Variants in ENOX1 observed in about 807,000 individuals in gnomAD.
ENOX1 encodes the protein ecto-NOX disulfide-thiol exchanger 1.
Under a neutral mutation model 82.5 loss-of-function variants are expected in ENOX1, and 42 were observed. That is an observed-to-expected ratio of 0.51 (90% CI 0.40 to 0.66). ENOX1 has a LOEUF of 0.66. ENOX1 is among the 30% of genes least tolerant of loss of function. The probability of loss-of-function intolerance (pLI) is 0.00; values close to 1 mark genes in which losing one functional copy is unlikely to be tolerated. For missense variants in ENOX1, 608 were observed against 811.6 expected, an observed-to-expected ratio of 0.75 and a Z score of 3.05; for synonymous variants, 271 against 282.2, an observed-to-expected ratio of 0.96 and a Z score of 0.40.
chr13:43,507,567 TAA>T (rs2077218724), intron 2 of ENOX1, among the ~76,000 whole-genome samples: 2 of 152,150 alleles, frequency 1.3e-5, no homozygotes, highest in Admixed American at 1.3e-4. Flanking sequence ...GCCAAAATAA[TAA>T]GTCACTTTCA....
chr13:43,483,938 A>G, intron 3 of ENOX1, 71 bp downstream of exon 3: 1 of 895,586 alleles, frequency 1.1e-6, no homozygotes, highest in Non-Finnish European at 1.3e-6. Context: ...TAGAGTACAA[A>G]TATTTTCCAT....
intron 2 of ENOX1, among the ~76,000 whole-genome samples, chr13:43,570,923 T>A (rs910221231): frequency 7.2e-5 from 11 of 152,212 alleles, no homozygotes; most frequent in Non-Finnish European, 1.6e-4. Context: ...CTTTTGTTGA[T>A]AAATGCCTAT....
At chr13:43,422,031 G>T (rs928870291) in intron 3 of ENOX1, among the ~76,000 whole-genome samples, 5 of 151,500 alleles carry the variant, frequency 3.3e-5, no homozygotes, top group Non-Finnish European at 5.9e-5. Flanking sequence ...TAGTCCCAAA[G>T]CTTGGAAGTT....
chr13:43,347,444 T>C (rs9562480), intron 8 of ENOX1, among the ~76,000 whole-genome samples: 8,739 of 152,268 alleles, frequency 0.057, 378 homozygotes, highest in East Asian at 0.23. Flanking sequence ...ATTGATGTAC[T>C]GACATTCAAA....
intron 3 of ENOX1, among the ~76,000 whole-genome samples, chr13:43,483,694 T>G (rs2058592074): frequency 6.6e-6 from 1 of 152,186 alleles, no homozygotes; most frequent in Admixed American, 6.5e-5. Context: ...ATCTGATATA[T>G]GTAGATGCTT....
At chr13:43,309,423 T>C (rs531983107) in intron 11 of ENOX1, among the ~76,000 whole-genome samples, 11 of 152,204 alleles carry the variant, frequency 7.2e-5, no homozygotes, top group African/African-American at 2.6e-4. Flanking sequence ...ATTCTAACAC[T>C]CTTACCACCC....
chr13:43,783,267 A>G (rs1423994365), intron 1 of ENOX1, among the ~76,000 whole-genome samples: 1 of 152,228 alleles, frequency 6.6e-6, no homozygotes, highest in South Asian at 2.1e-4. Context: ...TACACAATGC[A>G]TCTAAGACCA....
chr13:43,351,849 C>A (rs1307457899), intron 8 of ENOX1, among the ~76,000 whole-genome samples: 17 of 151,612 alleles, frequency 1.1e-4, no homozygotes, highest in Non-Finnish European at 1.0e-4. Flanking sequence ...GGGTTGGTTC[C>A]AAGTCTTTGC....
intron 14 of ENOX1, among the ~76,000 whole-genome samples, chr13:43,240,568 T>TA (rs528886963): frequency 2.2e-4 from 32 of 146,642 alleles, no homozygotes; most frequent in Non-Finnish European, 3.6e-4. Flanking sequence ...GAGGTGGAAC[T>TA]AAAAAAAAAA....
chr13:43,669,082 T>C (rs949266701), intron 1 of ENOX1, among the ~76,000 whole-genome samples: 5 of 152,248 alleles, frequency 3.3e-5, no homozygotes, highest in African/African-American at 1.2e-4. Flanking sequence ...AGAAGTCGGC[T>C]GCAAACTGCA....
At chr13:43,756,302 C>G (rs975045509) in intron 1 of ENOX1, among the ~76,000 whole-genome samples, 1 of 151,988 alleles carries the variant, frequency 6.6e-6, no homozygotes, top group Non-Finnish European at 1.5e-5. Context: ...TGGCTCATGC[C>G]TGCAGTTCCA....
chr13:43,706,374 A>T (rs924438820), intron 1 of ENOX1, among the ~76,000 whole-genome samples: 2 of 152,024 alleles, frequency 1.3e-5, no homozygotes, highest in African/African-American at 4.8e-5. Flanking sequence ...AAAGAAAGAA[A>T]GAGGCGGAAG....
At chr13:43,694,957 T>C (rs944794939) in intron 1 of ENOX1, among the ~76,000 whole-genome samples, 6 of 152,202 alleles carry the variant, frequency 3.9e-5, no homozygotes, top group Non-Finnish European at 8.8e-5. Flanking sequence ...CCAAACATTC[T>C]CTTCTCAAAG....
chr13:43,261,851 A>AG (rs1231246088), intron 14 of ENOX1, among the ~76,000 whole-genome samples: 1 of 83,580 alleles, frequency 1.2e-5, no homozygotes, highest in Admixed American at 1.6e-4. Context: ...GGGTGGGGGG[A>AG]GGGGGGAGGG....
chr13:43,706,889 A>T (rs1273457635), intron 1 of ENOX1, among the ~76,000 whole-genome samples: 1 of 152,132 alleles, frequency 6.6e-6, no homozygotes, highest in Non-Finnish European at 1.5e-5. Flanking sequence ...TGGATAGTGC[A>T]GTAAGGCAAG....
rs539142751 is a variant in ENOX1, at chr13:43,742,314, A to C, written c.-285+44338T>G. Among the ~76,000 whole-genome samples, 18 of 152,210 alleles carry C rather than the reference A, an allele frequency of 1.2e-4. No individual in the cohort carries two copies. In the South Asian group the frequency reaches 3.7e-3, roughly 32 times the overall value. ...AAATCTGAAGGGCTGAGGAGCCAGT[A>C]GTGTTAGTCCTGGTCCAAGTCCAAA... On this transcript the variant is annotated intron_variant, in intron 1 of 16. Coordinates refer to ENST00000690772, the MANE Select transcript of ENOX1 (RefSeq NM_001347969.2).
In ENOX1 at chr13:43,254,086, A is replaced by G. The variant is rs546038322; in HGVS notation, c.1611+11312T>C. Among the ~76,000 whole-genome samples, 3 of 152,326 alleles carry G rather than the reference A, an allele frequency of 2.0e-5. No homozygotes were observed. The East Asian group carries it at 5.8e-4, about 29-fold the overall frequency. On this transcript the variant is annotated intron_variant, in intron 14 of 16. Transcript: ENST00000690772. Reference sequence around the variant, plus strand: ...AAATGCTTAATTTTGGGGTTGGGTTAGAACTCATTTTGTTAAACTTTAAAT... The same window carrying G: ...AAATGCTTAATTTTGGGGTTGGGTTGGAACTCATTTTGTTAAACTTTAAAT...
At chr13:43,599,145 A>T (rs1286518996) in intron 2 of ENOX1, among the ~76,000 whole-genome samples, 3 of 152,176 alleles carry the variant, frequency 2.0e-5, no homozygotes, top group Non-Finnish European at 1.5e-5. Context: ...TCCACCAATC[A>T]TGCTTCCTTC....
At chr13:43,469,149 T>C (rs1385633826) in intron 3 of ENOX1, among the ~76,000 whole-genome samples, 1 of 152,184 alleles carries the variant, frequency 6.6e-6, no homozygotes, top group East Asian at 1.9e-4. Flanking sequence ...TTTCCTTATA[T>C]TCCTAGTTTG....
Sources: gnomAD v4.1 joint callset for allele counts (sites outside exome capture counted in the v4.1 genomes callset) on GRCh38, gnomAD v4.1.1 for gene constraint, MANE v1.5 for transcripts, NCBI Gene and HGNC (gene_info 2026-07-23, HGNC 2026-07-21) for gene names.